INSC: variants seen among roughly 807,000 people sequenced by gnomAD.
INSC encodes the protein INSC spindle orientation adaptor protein, also known as protein inscuteable homolog.
Under a neutral mutation model 58.6 loss-of-function variants are expected in INSC, and 67 were observed. The ratio of observed to expected loss-of-function variants is 1.14; its 90% CI spans 0.94 to 1.40. INSC has a LOEUF of 1.40. Among genes scored for constraint, INSC ranks in the 40% most tolerant of loss-of-function variants. The pLI is 0.00. For synonymous variants in INSC, 262 were observed against 276.1 expected, an observed-to-expected ratio of 0.95 and a Z score of 0.51; for missense variants, 714 against 692.0, an observed-to-expected ratio of 1.03 and a Z score of -0.36.
At chr11:15,221,401 G>GTATC in intron 7 of INSC, 76 bp from the exon 8 acceptor site, 1 of 1,503,652 alleles carries the variant, frequency 6.7e-7, no homozygotes, top group Non-Finnish European at 9.0e-7. Context: ...GGCTGAATCT[G>GTATC]TATCTGTCTC....
At chr11:15,137,194 G>A (rs1326095868) in intron 1 of INSC, among the ~76,000 whole-genome samples, 1 of 152,140 alleles carries the variant, frequency 6.6e-6, no homozygotes, top group African/African-American at 2.4e-5. Flanking sequence ...AGTAAAACAT[G>A]CTATAAACAG....
At chr11:15,129,203 C>A (rs1246917572) in intron 1 of INSC, among the ~76,000 whole-genome samples, 6 of 152,130 alleles carry the variant, frequency 3.9e-5, no homozygotes, top group Non-Finnish European at 8.8e-5. Flanking sequence ...TAGGTTGCCC[C>A]CCATCTTCCC....
At chr11:15,174,378 C>T (rs1849504666) in intron 2 of INSC, among the ~76,000 whole-genome samples, 1 of 152,078 alleles carries the variant, frequency 6.6e-6, no homozygotes, top group Non-Finnish European at 1.5e-5. Flanking sequence ...TCTTTTCCTT[C>T]CTAGCATTTG....
Position 15,114,965 on chromosome 11 carries a change from C to G in INSC, c.-84C>G. On this transcript the variant is annotated 5_prime_UTR_variant, in exon 1 of 13. Coordinates refer to ENST00000379556, the MANE Select transcript of INSC (RefSeq NM_001042536.3). The stretch of plus-strand genomic sequence containing the variant: ...TGGAGCTCCAGCTGCGCCCCGCCAC[C>G]ACTGGCCGCTCGCACTACCAGCCTG... 1 of 985,478 alleles carries G rather than the reference C, an allele frequency of 1.0e-6. No homozygotes were observed. The highest frequency in any genetic ancestry group is 1.2e-6 in the Non-Finnish European group (1 of 829,956). The allele number at this position is 985,478 out of a possible 1,614,324, so 61.0% of individuals were successfully genotyped here. A position where few individuals can be genotyped will look rare whatever the true frequency, so the allele number is the denominator to read the frequency against.
At chr11:15,116,811 TTC>T (rs1847712367) in intron 1 of INSC, among the ~76,000 whole-genome samples, 1 of 23,662 alleles carries the variant, frequency 4.2e-5, no homozygotes, top group Non-Finnish European at 8.6e-5. Context: ...TTTCTTTTCT[TTC>T]TTTCTTTCTT....
chr11:15,218,257 A>G (rs547563736), intron 7 of INSC, among the ~76,000 whole-genome samples: 7 of 152,332 alleles, frequency 4.6e-5, no homozygotes, highest in Admixed American at 1.3e-4. Flanking sequence ...ATAAACAAAT[A>G]CTGACTGGAG....
At chr11:15,134,661 T>C (rs977140589) in intron 1 of INSC, among the ~76,000 whole-genome samples, 5 of 152,176 alleles carry the variant, frequency 3.3e-5, no homozygotes, top group African/African-American at 1.2e-4. Flanking sequence ...GTGCCTTATA[T>C]AGAGCATTTA....
chr11:15,223,583 G>T (rs924247591), intron 8 of INSC, among the ~76,000 whole-genome samples: 16 of 152,334 alleles, frequency 1.1e-4, no homozygotes, highest in Middle Eastern at 6.8e-3. Flanking sequence ...TTAGGTGGTT[G>T]TGTTAATAAT....
intron 1 of INSC, among the ~76,000 whole-genome samples, chr11:15,119,152 CTCTG>C (rs1847806561): frequency 6.6e-6 from 1 of 152,202 alleles, no homozygotes. Flanking sequence ...GGCTTGACTT[CTCTG>C]TCTGTCTCCA....
At chr11:15,166,967 G>A (rs1207579014) in intron 2 of INSC, among the ~76,000 whole-genome samples, 2 of 152,126 alleles carry the variant, frequency 1.3e-5, no homozygotes, top group African/African-American at 4.8e-5. Flanking sequence ...AGGTTGTCGT[G>A]AATAAAATAA....
chr11:15,170,400 C>T, intron 2 of INSC, among the ~76,000 whole-genome samples: 1 of 152,020 alleles, frequency 6.6e-6, no homozygotes, highest in East Asian at 1.9e-4. Flanking sequence ...TTTATGATGA[C>T]CTTGACCACT....
At chr11:15,255,950 G>T in the INSC span, among the ~76,000 whole-genome samples, 36 of 152,154 alleles carry the variant, frequency 2.4e-4, no homozygotes, top group African/African-American at 8.0e-4. Context: ...GCATTCTCTT[G>T]TAAACTCCAC....
chr11:15,208,618 A>G (rs1850900275), intron 7 of INSC, among the ~76,000 whole-genome samples: 2 of 152,196 alleles, frequency 1.3e-5, no homozygotes, highest in Admixed American at 1.3e-4. Context: ...ACCTAGGCTG[A>G]GATTATGGGC....
At chr11:15,123,960 C>G (rs1419417812) in intron 1 of INSC, among the ~76,000 whole-genome samples, 3 of 152,214 alleles carry the variant, frequency 2.0e-5, no homozygotes, top group African/African-American at 7.2e-5. Flanking sequence ...CTTACTAAGT[C>G]CAGTGAGCCA....
intron 9 of INSC, among the ~76,000 whole-genome samples, chr11:15,228,366 G>A (rs560132562): frequency 1.3e-5 from 2 of 152,334 alleles, no homozygotes; most frequent in South Asian, 4.1e-4. Context: ...GAGAGAATGT[G>A]GTTGCGCTGC....
At chr11:15,255,736 ATGTGTG>A in the INSC span, among the ~76,000 whole-genome samples, 3 of 147,912 alleles carry the variant, frequency 2.0e-5, no homozygotes, top group African/African-American at 5.0e-5. Context: ...AAGTGTGTGT[ATGTGTG>A]TGTGTGTGTG....
downstream of INSC, among the ~76,000 whole-genome samples, chr11:15,248,504 A>C (rs1212252484): frequency 6.6e-6 from 1 of 152,178 alleles, no homozygotes. Context: ...TTTGAGAATC[A>C]CTGATCTAGT....
chr11:15,196,689 A>G (rs565080291), intron 6 of INSC, among the ~76,000 whole-genome samples: 1 of 152,328 alleles, frequency 6.6e-6, no homozygotes, highest in Admixed American at 6.5e-5. Context: ...CAGCTGCAGT[A>G]AAGTAGTAAT....
intron 2 of INSC, among the ~76,000 whole-genome samples, chr11:15,159,680 C>T (rs1381533509): frequency 6.6e-6 from 1 of 152,184 alleles, no homozygotes; most frequent in Non-Finnish European, 1.5e-5. Context: ...CAGAGCCAAA[C>T]TTTGCCACTT....
Sources: allele counts gnomAD v4.1 joint callset (sites outside exome capture counted in the v4.1 genomes callset), GRCh38; gene constraint gnomAD v4.1.1; transcripts MANE v1.5; gene names NCBI Gene and HGNC (gene_info 2026-07-23, HGNC 2026-07-21).